The following LRMDA variants were observed in gnomAD, a reference collection of about 807,000 sequenced individuals.
LRMDA encodes the protein leucine rich melanocyte differentiation associated.
LRMDA carries 18 observed loss-of-function variants against 29.8 expected under a neutral mutation model. The ratio of observed to expected loss-of-function variants is 0.60; its 90% CI spans 0.42 to 0.90. The LOEUF (loss-of-function observed/expected upper bound fraction) is 0.90. Among genes scored for constraint, LRMDA ranks in the 40% least tolerant of loss-of-function variants. LRMDA has a pLI of 0.00. For synonymous variants in LRMDA, 125 were observed against 109.4 expected, an observed-to-expected ratio of 1.14 and a Z score of -0.89; for missense variants, 273 against 273.9, an observed-to-expected ratio of 1.00 and a Z score of 0.02.
chr10:76,155,018 A>G (rs934591088), intron 5 of LRMDA, among the ~76,000 whole-genome samples: 1 of 152,218 alleles, frequency 6.6e-6, no homozygotes. Context: ...CTTAAGTTAC[A>G]TGACCACACC....
chr10:75,738,804 G>C (rs1007902998), intron 2 of LRMDA, among the ~76,000 whole-genome samples: 2 of 152,190 alleles, frequency 1.3e-5, no homozygotes, highest in Non-Finnish European at 2.9e-5. Context: ...GATTGCCAGA[G>C]GTGCTCACGT....
At chr10:75,616,048 GA>G (rs1564523085) in intron 2 of LRMDA, among the ~76,000 whole-genome samples, 1 of 152,142 alleles carries the variant, frequency 6.6e-6, no homozygotes. Context: ...ATTTATAAAG[GA>G]AAAGAGGCTT....
chr10:76,064,159 T>C (rs759797683), intron 5 of LRMDA, among the ~76,000 whole-genome samples: 6 of 152,312 alleles, frequency 3.9e-5, no homozygotes, highest in African/African-American at 1.4e-4. Flanking sequence ...TGTGTGTTAA[T>C]TGCCACCTGT....
chr10:75,831,251 G>A (rs904561300), intron 2 of LRMDA, among the ~76,000 whole-genome samples: 14 of 152,068 alleles, frequency 9.2e-5, no homozygotes, highest in South Asian at 2.1e-4. Context: ...GTTTTACTGC[G>A]CTAACCAGGA....
At position 75,872,323 on chromosome 10, in the gene LRMDA, C is replaced by A. The variant is rs946641145; in HGVS notation, c.132-163685C>A. ...CTCTTTTTTTTTTTAATTTTTGAGA[C>A]GATGGAATCTCGCTCTGTAGCCCAG... On this transcript the variant is annotated intron_variant, in intron 2 of 6. Coordinates refer to ENST00000611255, the MANE Select transcript of LRMDA (RefSeq NM_001305581.2). Among the ~76,000 whole-genome samples the A allele has an allele frequency of 3.3e-4, 50 of 150,962 alleles. 1 individual carries two copies. Among genetic ancestry groups the A allele is most frequent in the African/African-American group, 1.1e-3 (46 of 40,960 alleles).
At chr10:76,143,367 T>A (rs981463954) in intron 5 of LRMDA, among the ~76,000 whole-genome samples, 1 of 152,210 alleles carries the variant, frequency 6.6e-6, no homozygotes, top group African/African-American at 2.4e-5. Flanking sequence ...TTTCCTGACT[T>A]TTTAATGATT....
At chr10:76,097,428 C>T (rs1395676241) in intron 5 of LRMDA, among the ~76,000 whole-genome samples, 1 of 152,202 alleles carries the variant, frequency 6.6e-6, no homozygotes, top group Non-Finnish European at 1.5e-5. Context: ...ATCACAGTAA[C>T]TTAGTACCAC....
intron 2 of LRMDA, among the ~76,000 whole-genome samples, chr10:75,568,769 T>C (rs536568387): frequency 6.6e-6 from 1 of 152,342 alleles, no homozygotes; most frequent in African/African-American, 2.4e-5. Flanking sequence ...ATTAAGACAC[T>C]TAATCATTTG....
chr10:75,716,259 T>C (rs545503267), intron 2 of LRMDA, among the ~76,000 whole-genome samples: 1 of 152,340 alleles, frequency 6.6e-6, no homozygotes, highest in African/African-American at 2.4e-5. Context: ...TTTGCAATTC[T>C]TTGTCCCCTG....
In LRMDA at chr10:75,913,649, T is replaced by C. The variant is rs555007742; in HGVS notation, c.132-122359T>C. 8.5e-5 allele frequency among the ~76,000 whole-genome samples: 13 copies of C among 152,302 alleles called. No individual in the cohort carries two copies. In the East Asian group the frequency reaches 2.5e-3, roughly 29 times the overall value. ...GCTAGGCTGAGGTTTCCCTCACCTC[T>C]TTTCGTAGAGCTGCAGCTTTGGCAT... On this transcript the variant is annotated intron_variant, in intron 2 of 6. Transcript: ENST00000611255.
Position 76,058,523 on chromosome 10 carries a change from T to C in LRMDA, c.399-143T>C, listed in dbSNP as rs1191573850. Reference sequence around the variant, plus strand: ...TCTCCAAGGAACAGTTGTTTATTCTTTGTGAAAGAAGAGAGGAGGCGCAGC... The same window carrying C: ...TCTCCAAGGAACAGTTGTTTATTCTCTGTGAAAGAAGAGAGGAGGCGCAGC... On this transcript the variant is annotated intron_variant, in intron 4 of 6. Coordinates refer to ENST00000611255, the MANE Select transcript of LRMDA (RefSeq NM_001305581.2). The C allele has an allele frequency of 4.3e-6, 3 of 704,266 alleles. No homozygotes were observed. In the East Asian group the frequency reaches 7.5e-5, roughly 18 times the overall value. The allele number at this position is 704,266 out of a possible 1,614,324, so 43.6% of individuals were successfully genotyped here. A position where few individuals can be genotyped will look rare whatever the true frequency, so the allele number is the denominator to read the frequency against.
intron 5 of LRMDA, among the ~76,000 whole-genome samples, chr10:76,292,626 A>G (rs1840355668): frequency 6.6e-6 from 1 of 152,110 alleles, no homozygotes; most frequent in Non-Finnish European, 1.5e-5. Context: ...CTTTACTTCC[A>G]TTTTTATCAA....
At chr10:76,123,067 A>G (rs969182440) in intron 5 of LRMDA, among the ~76,000 whole-genome samples, 1 of 152,156 alleles carries the variant, frequency 6.6e-6, no homozygotes, top group African/African-American at 2.4e-5. Flanking sequence ...TCTTTTCAAC[A>G]GTACAACTCT....
intron 6 of LRMDA, among the ~76,000 whole-genome samples, chr10:76,492,160 G>A (rs768483227): frequency 3.3e-5 from 5 of 152,062 alleles, no homozygotes; most frequent in Admixed American, 6.6e-5. Flanking sequence ...CTGTCTGAAA[G>A]GTCACATAGC....
At chr10:76,143,743 G>T (rs184720655) in intron 5 of LRMDA, among the ~76,000 whole-genome samples, 1,980 of 152,108 alleles carry the variant, frequency 0.013, 34 homozygotes, top group African/African-American at 0.045. Flanking sequence ...TTGCTTTTGG[G>T]GTTTTAAACA....
At chr10:76,481,180 A>T (rs1358834437) in intron 6 of LRMDA, among the ~76,000 whole-genome samples, 1 of 151,952 alleles carries the variant, frequency 6.6e-6, no homozygotes, top group East Asian at 1.9e-4. Flanking sequence ...AACCAAGGAG[A>T]TAAAGCTTAC....
At chr10:76,003,787 G>A (rs1847601858) in intron 2 of LRMDA, among the ~76,000 whole-genome samples, 1 of 152,162 alleles carries the variant, frequency 6.6e-6, no homozygotes. Flanking sequence ...TGGAATGCCT[G>A]GAATATCATT....
chr10:75,486,752 T>A (rs1564783648), intron 2 of LRMDA, among the ~76,000 whole-genome samples: 1 of 152,190 alleles, frequency 6.6e-6, no homozygotes, highest in Non-Finnish European at 1.5e-5. Context: ...CTGTAGCAGT[T>A]GAGTCAGGGT....
At chr10:75,454,851 C>G (rs1206261938) in intron 2 of LRMDA, among the ~76,000 whole-genome samples, 1 of 152,208 alleles carries the variant, frequency 6.6e-6, no homozygotes, top group Non-Finnish European at 1.5e-5. Flanking sequence ...AAAATGGAGC[C>G]TGGCAGTGGC....
Sources: gnomAD v4.1 joint callset for allele counts (sites outside exome capture counted in the v4.1 genomes callset) on GRCh38, gnomAD v4.1.1 for gene constraint, MANE v1.5 for transcripts, NCBI Gene and HGNC (gene_info 2026-07-23, HGNC 2026-07-21) for gene names.